The following LPP variants were observed in gnomAD, a reference collection of about 807,000 sequenced individuals.
LPP encodes the protein LIM domain containing preferred translocation partner in lipoma.
LPP carries 38 observed loss-of-function variants against 60.4 expected under a neutral mutation model. That is an observed-to-expected ratio of 0.63 (90% CI 0.49 to 0.83). The LOEUF is 0.83. Ranked by LOEUF, LPP falls within the 40% of genes least tolerant of loss-of-function variation. LPP has a pLI of 0.00. For missense variants in LPP, 902 were observed against 783.6 expected, an observed-to-expected ratio of 1.15 and a Z score of -1.80; for synonymous variants, 328 against 290.8, an observed-to-expected ratio of 1.13 and a Z score of -1.30.
At chr3:188,377,351 C>T (rs1422359732) in intron 3 of LPP, among the ~76,000 whole-genome samples, 3 of 152,194 alleles carry the variant, frequency 2.0e-5, no homozygotes, top group Non-Finnish European at 1.5e-5. Flanking sequence ...ACCAATCAGA[C>T]GTAGATTTGG....
chr3:188,559,640 G>A (rs1353990605), intron 6 of LPP, among the ~76,000 whole-genome samples: 2 of 151,882 alleles, frequency 1.3e-5, no homozygotes, highest in Non-Finnish European at 2.9e-5. Context: ...CCTGATGTTA[G>A]CCCCTCTGTC....
At chr3:188,378,440 C>T (rs377006100) in intron 3 of LPP, among the ~76,000 whole-genome samples, 6 of 152,176 alleles carry the variant, frequency 3.9e-5, no homozygotes, top group African/African-American at 7.2e-5. Context: ...GCCTCACTGC[C>T]GCCTTGTTGT....
At chr3:188,333,461 G>A (rs1760714502) in intron 2 of LPP, among the ~76,000 whole-genome samples, 1 of 152,204 alleles carries the variant, frequency 6.6e-6, no homozygotes, top group South Asian at 2.1e-4. Flanking sequence ...CTGAGCTGCA[G>A]TGAAGAATAA....
intron 8 of LPP, among the ~76,000 whole-genome samples, chr3:188,753,529 C>G (rs1333096084): frequency 6.6e-6 from 1 of 151,616 alleles, no homozygotes; most frequent in Non-Finnish European, 1.5e-5. Flanking sequence ...TTTATCCACT[C>G]ATTCCTGAAC....
intron 4 of LPP, among the ~76,000 whole-genome samples, chr3:188,467,486 T>G (rs979775882): frequency 6.6e-6 from 1 of 152,086 alleles, no homozygotes; most frequent in Non-Finnish European, 1.5e-5. Context: ...AGCAGAATAA[T>G]AGCCCTCAAA....
Position 188,874,356 on chromosome 3 carries a change from C to T in LPP, c.1716C>T (p.Cys572=), listed in dbSNP as rs754547383. The change falls in exon 12 of 12, where the codon TGC becomes TGT. Residue 572 remains cysteine, a synonymous_variant. Coordinates refer to ENST00000617246, the MANE Select transcript of LPP (RefSeq NM_001375462.1). ...FHVHCYRCED[C]GGLLSEGDNQ... ...ATCTGTCTTTACTGTTCTAGGATTG[C>T]GGTGGTCTCCTGTCTGAAGGAGATA... 19 of 1,613,184 alleles carry T rather than the reference C, an allele frequency of 1.2e-5. No individual in the cohort carries two copies. Among genetic ancestry groups the T allele is most frequent in the East Asian group, 4.5e-5 (2 of 44,870 alleles).
chr3:188,584,042 G>A (rs1419391920), intron 6 of LPP, among the ~76,000 whole-genome samples: 5 of 152,144 alleles, frequency 3.3e-5, no homozygotes, highest in Non-Finnish European at 7.4e-5. Context: ...ATAGATATGT[G>A]TAAGTACTAC....
In LPP at chr3:188,217,002, A is replaced by G. The variant is rs990868617; in HGVS notation, c.-189-8403A>G. On this transcript the variant is annotated intron_variant, in intron 1 of 11. Transcript: ENST00000617246. The surrounding 1 kb of genome is among the most constrained non-coding windows in gnomAD (Gnocchi z 4.0). ...TTAGGTGCCTTGCACTGTTCTGGGC[A>G]TTATCCCAGTACTCGATTTAGAGCA... Among the ~76,000 whole-genome samples, 1 of 152,208 alleles carries G rather than the reference A, an allele frequency of 6.6e-6. No homozygotes were observed. The highest frequency in any genetic ancestry group is 1.5e-5 in the Non-Finnish European group (1 of 68,040).
At chr3:188,257,558 A>T (rs559370872) in intron 2 of LPP, among the ~76,000 whole-genome samples, 1 of 152,222 alleles carries the variant, frequency 6.6e-6, no homozygotes, top group South Asian at 2.1e-4. Context: ...AAGTGTGAAT[A>T]ATACTTCTTC....
chr3:188,368,719 CAGAGAGAGAGAG>C (rs374471455), intron 3 of LPP, among the ~76,000 whole-genome samples: 1 of 99,522 alleles, frequency 1.0e-5, no homozygotes, highest in African/African-American at 3.2e-5. Flanking sequence ...CACACACACA[CAGAGAGAGAGAG>C]AGAGAGAGAG....
chr3:188,321,343 A>G (rs1055164421), intron 2 of LPP, among the ~76,000 whole-genome samples: 12 of 152,186 alleles, frequency 7.9e-5, no homozygotes, highest in African/African-American at 2.9e-4. Flanking sequence ...ATATTTGTAA[A>G]ATAATTTTTT....
intron 8 of LPP, among the ~76,000 whole-genome samples, chr3:188,738,664 T>A (rs1327282185): frequency 2.0e-5 from 3 of 152,190 alleles, no homozygotes; most frequent in African/African-American, 7.2e-5. Context: ...TCTTAGTTGC[T>A]ACACCCAGCA....
chr3:188,277,783 G>A (rs534430417), intron 2 of LPP, among the ~76,000 whole-genome samples: 16 of 152,118 alleles, frequency 1.1e-4, no homozygotes, highest in African/African-American at 3.9e-4. Flanking sequence ...CTCAAATGCC[G>A]AGACATGACC....
At chr3:188,266,841 G>C (rs1735754126) in intron 2 of LPP, among the ~76,000 whole-genome samples, 1 of 152,128 alleles carries the variant, frequency 6.6e-6, no homozygotes, top group Non-Finnish European at 1.5e-5. Flanking sequence ...TTACTGAGCA[G>C]ATTACAGAAT....
In LPP at chr3:188,307,811, GGGA is replaced by G. The variant is rs1577998072; in HGVS notation, c.-66-33851_-66-33849del. ...TGTTCAATATGACTTTATTAACACA[GGGA>G]ATACAGCTGATTATCTCTTAGACAT... On this transcript the variant is annotated intron_variant, in intron 2 of 11. Transcript: ENST00000617246. 3.9e-5 allele frequency among the ~76,000 whole-genome samples: 6 copies of G among 152,276 alleles called. No individual in the cohort carries two copies. The East Asian group carries it at 1.2e-3, about 29-fold the overall frequency.
chr3:188,254,050 T>C (rs1031969250), intron 2 of LPP, among the ~76,000 whole-genome samples: 12 of 152,174 alleles, frequency 7.9e-5, no homozygotes, highest in Admixed American at 4.6e-4. Flanking sequence ...CCTTTTTGCT[T>C]CCAGGTTCTT....
At chr3:188,289,653 G>C (rs545636074) in intron 2 of LPP, among the ~76,000 whole-genome samples, 4 of 152,018 alleles carry the variant, frequency 2.6e-5, no homozygotes, top group Admixed American at 6.5e-5. Flanking sequence ...TTTTTTCATG[G>C]TACCACTTGG....
At chr3:188,171,506 G>C (rs1721580622) in intron 1 of LPP, among the ~76,000 whole-genome samples, 1 of 152,110 alleles carries the variant, frequency 6.6e-6, no homozygotes, top group Non-Finnish European at 1.5e-5. Context: ...TGTCCACTCT[G>C]AAACCTCCCA....
rs748506984 is a variant in LPP, at chr3:188,269,645, A to ATATGTG, written c.-67+44119_-67+44120insATGTGT. Among the ~76,000 whole-genome samples the ATATGTG allele has an allele frequency of 8.5e-3, 1,166 of 136,460 alleles. 11 individuals are homozygous for ATATGTG. The highest frequency in any genetic ancestry group is 0.015 in the East Asian group (71 of 4,720). 89.5% of individuals were successfully genotyped at this position (136,460 alleles called of 152,430 possible). ...GCTAGCTGGTTGTGCCTTTTTTTTT[A>ATATGTG]TGTGTGTGTGTGTGTGTGTGTGTGT... On this transcript the variant is annotated intron_variant, in intron 2 of 11. Transcript: ENST00000617246.
Sources: gnomAD v4.1 joint callset for allele counts (sites outside exome capture counted in the v4.1 genomes callset) on GRCh38, gnomAD v4.1.1 for gene constraint, Gnocchi (gnomAD v3.1) non-coding constraint, MANE v1.5 for transcripts, NCBI Gene and HGNC (gene_info 2026-07-23, HGNC 2026-07-21) for gene names.